ZFYVE1: variants seen among roughly 807,000 people sequenced by gnomAD.
ZFYVE1 encodes zinc finger FYVE domain-containing protein 1.
Under a neutral mutation model 74.4 loss-of-function variants are expected in ZFYVE1, and 30 were observed. The observed-to-expected ratio is 0.40, with a 90% CI of 0.30 to 0.55. ZFYVE1 has a LOEUF of 0.55. Among genes scored for constraint, ZFYVE1 ranks in the 20% least tolerant of loss-of-function variants. The pLI, the probability that ZFYVE1 is intolerant of heterozygous loss-of-function variation, is 0.42. For synonymous variants in ZFYVE1, 335 were observed against 385.1 expected, an observed-to-expected ratio of 0.87 and a Z score of 1.52; for missense variants, 703 against 1,011.6, an observed-to-expected ratio of 0.69 and a Z score of 4.14.
At chr14:72,995,368 A>G (rs4903085) in intron 3 of ZFYVE1, among the ~76,000 whole-genome samples, 16,124 of 152,184 alleles carry the variant, frequency 0.11, 2,029 homozygotes, top group African/African-American at 0.31. Context: ...AAGAGCTGGG[A>G]CCACAGGTAT....
At chr14:73,010,965 C>T (rs895259724) in intron 2 of ZFYVE1, among the ~76,000 whole-genome samples, 5 of 151,600 alleles carry the variant, frequency 3.3e-5, no homozygotes, top group Admixed American at 6.6e-5. Context: ...ACCCCAATAA[C>T]GTATAGATAC....
chr14:72,991,498 C>T (rs981122833), intron 4 of ZFYVE1, among the ~76,000 whole-genome samples: 1 of 151,996 alleles, frequency 6.6e-6, no homozygotes, highest in Non-Finnish European at 1.5e-5. Context: ...CCCTGATGGT[C>T]TTACTTAAAC....
intron 4 of ZFYVE1, among the ~76,000 whole-genome samples, chr14:72,983,568 A>C (rs376277745): frequency 1.3e-5 from 2 of 151,946 alleles, no homozygotes; most frequent in Non-Finnish European, 2.9e-5. Flanking sequence ...TCCATGGTGT[A>C]TATGTGCCAC....
chr14:72,970,637 T>G lies in ZFYVE1; in HGVS notation c.*245A>C. On this transcript the variant is annotated 3_prime_UTR_variant, in exon 12 of 12. Transcript: ENST00000556143. ...CACATATATATTCATTATTTTTAACTGAAATAAATGCAACGGATTCAGGTT... is the reference window on the plus strand; with the variant it reads ...CACATATATATTCATTATTTTTAACGGAAATAAATGCAACGGATTCAGGTT... 1.8e-6 allele frequency: 1 copy of G among 566,522 alleles called. No individual in the cohort carries two copies. Among genetic ancestry groups the G allele is most frequent in the Non-Finnish European group, 3.2e-6 (1 of 316,272 alleles). The allele number at this position is 566,522 out of a possible 1,614,324, so 35.1% of individuals were successfully genotyped here.
intron 2 of ZFYVE1, among the ~76,000 whole-genome samples, chr14:72,999,087 G>C (rs1410524552): frequency 6.6e-6 from 1 of 152,170 alleles, no homozygotes; most frequent in Non-Finnish European, 1.5e-5. Flanking sequence ...GAGCCTAGGA[G>C]TTCAAGTGCA....
chr14:73,002,988 C>T (rs1159583211), intron 2 of ZFYVE1, among the ~76,000 whole-genome samples: 3 of 151,430 alleles, frequency 2.0e-5, no homozygotes, highest in African/African-American at 4.8e-5. Context: ...GTGATCCGCC[C>T]GCCTCGGCCT....
chr14:72,993,400 TTAA>T, intron 3 of ZFYVE1, 43 bp from the exon 4 acceptor site: 1 of 1,509,230 alleles, frequency 6.6e-7, no homozygotes, highest in Non-Finnish European at 8.9e-7. Flanking sequence ...TGAGTGACAT[TTAA>T]AAAAAAAAAA....
At chr14:73,013,206 T>A (rs542625096) in intron 2 of ZFYVE1, among the ~76,000 whole-genome samples, 2 of 152,170 alleles carry the variant, frequency 1.3e-5, no homozygotes, top group African/African-American at 2.4e-5. Context: ...CAGCTACTTA[T>A]GTATGGCTGG....
At chr14:73,012,571 G>C (rs1288727555) in intron 2 of ZFYVE1, among the ~76,000 whole-genome samples, 1 of 151,980 alleles carries the variant, frequency 6.6e-6, no homozygotes, top group African/African-American at 2.4e-5. Flanking sequence ...GCAGTGAGCT[G>C]AGATAGTGCC....
rs775289965 is a variant in ZFYVE1 at position 72,993,259 on chromosome 14, T to G, written c.1087A>C (p.Arg363=). 2.5e-6 allele frequency: 4 copies of G among 1,613,924 alleles called. No individual in the cohort carries two copies. In the East Asian group the frequency reaches 8.9e-5, roughly 36 times the overall value. ...AAGTCCGTGGGAGGGTTGTAAGTCC[T>G]CGTTCCCTTGTAGTGAATGGAACTA... The part of the protein sequence containing the change: ...AFSSIHYKGT[R]TYNPPTDFSG... Residue 363 remains arginine (R), a synonymous_variant, in exon 4 of 12, where the codon AGG becomes CGG. Transcript: ENST00000556143.
chr14:72,980,560 T>TATTTA (rs901251188), intron 5 of ZFYVE1, among the ~76,000 whole-genome samples: 3 of 151,042 alleles, frequency 2.0e-5, no homozygotes, highest in Non-Finnish European at 2.9e-5. Context: ...TTTATTTATT[T>TATTTA]ATTTATTTAT....
intron 4 of ZFYVE1, among the ~76,000 whole-genome samples, chr14:72,991,214 G>A (rs938215917): frequency 1.5e-5 from 2 of 136,250 alleles, no homozygotes; most frequent in Admixed American, 8.0e-5. Context: ...TTTTGAGACG[G>A]AGTCTCGCTC....
intron 4 of ZFYVE1, among the ~76,000 whole-genome samples, chr14:72,988,266 C>T (rs1021942069): frequency 1.1e-4 from 16 of 151,206 alleles, no homozygotes; most frequent in Non-Finnish European, 2.1e-4. Flanking sequence ...CCTCCGTCTC[C>T]GGGGTTCAAG....
intron 5 of ZFYVE1, among the ~76,000 whole-genome samples, chr14:72,980,622 C>T (rs1011245818): frequency 1.3e-5 from 2 of 151,926 alleles, no homozygotes; most frequent in African/African-American, 4.8e-5. Context: ...GGCTGGAGTG[C>T]AGTGGCGCAA....
intron 3 of ZFYVE1, 25 bp from the exon 4 acceptor site, chr14:72,993,382 A>G: frequency 6.4e-7 from 1 of 1,571,536 alleles, no homozygotes; most frequent in Non-Finnish European, 8.7e-7. Flanking sequence ...ACACAGGCAC[A>G]TGGGTAGTGA....
At position 72,981,734 on chromosome 14, in the gene ZFYVE1, C is replaced by CTTT. The variant is rs1893334910; in HGVS notation, c.1310+54_1310+55insAAA. On this transcript the variant is annotated intron_variant, in intron 5 of 11. Coordinates refer to ENST00000556143, the MANE Select transcript of ZFYVE1 (RefSeq NM_021260.4). ...ACACCAAAGTCTAGGAAGCACCACT[C>CTTT]AAAGGCTCTATTCTCAAGGTATGGG... 25 of 1,543,144 alleles carry CTTT rather than the reference C, an allele frequency of 1.6e-5. No homozygotes were observed. In the South Asian group the frequency reaches 2.6e-4, roughly 16 times the overall value.
intron 5 of ZFYVE1, 75 bp downstream of exon 5, chr14:72,981,714 A>G (rs2140350644): frequency 7.2e-7 from 1 of 1,391,326 alleles, no homozygotes; most frequent in Non-Finnish European, 1.0e-6. Context: ...CATCCACACC[A>G]AAGTCTAGGA....
At chr14:72,984,287 T>G (rs1026563982) in intron 4 of ZFYVE1, among the ~76,000 whole-genome samples, 1 of 152,134 alleles carries the variant, frequency 6.6e-6, no homozygotes, top group Non-Finnish European at 1.5e-5. Flanking sequence ...TCCCAGCATT[T>G]TGGGAGGCCA....
intron 2 of ZFYVE1, among the ~76,000 whole-genome samples, chr14:73,021,354 AAAATAAAT>A (rs71109783): frequency 0.29 from 42,584 of 147,478 alleles, 6,719 homozygotes; most frequent in Middle Eastern, 0.39. Context: ...TCTCAAAATA[AAAATAAAT>A]AAATAAATAA....
Sources: allele counts gnomAD v4.1 joint callset (sites outside exome capture counted in the v4.1 genomes callset), GRCh38; gene constraint gnomAD v4.1.1; transcripts MANE v1.5; gene names NCBI Gene and HGNC (gene_info 2026-07-23, HGNC 2026-07-21).